The following ELMO1 variants were observed in gnomAD, a reference collection of about 807,000 sequenced individuals.
ELMO1 encodes the protein engulfment and cell motility protein 1.
Under a neutral mutation model 98.9 loss-of-function variants are expected in ELMO1, and 26 were observed. That is an observed-to-expected ratio of 0.26 (90% confidence interval 0.19 to 0.36). ELMO1 has a LOEUF of 0.36. Among genes scored for constraint, ELMO1 ranks in the 10% least tolerant of loss-of-function variants. The probability of loss-of-function intolerance (pLI) is 1.00; values close to 1 mark genes in which losing one functional copy is unlikely to be tolerated. For missense variants in ELMO1, 627 were observed against 935.2 expected, an observed-to-expected ratio of 0.67 and a Z score of 4.30; for synonymous variants, 346 against 346.0, an observed-to-expected ratio of 1.00 and a Z score of 0.00.
intron 13 of ELMO1, among the ~76,000 whole-genome samples, chr7:37,157,647 C>T (rs1237336592): frequency 6.6e-6 from 1 of 151,982 alleles, no homozygotes; most frequent in Non-Finnish European, 1.5e-5. Flanking sequence ...TACTGCTCAA[C>T]AAAATAAAAG....
chr7:37,214,071 T>C (rs1216507744), intron 11 of ELMO1, among the ~76,000 whole-genome samples: 1 of 152,170 alleles, frequency 6.6e-6, no homozygotes, highest in Non-Finnish European at 1.5e-5. Flanking sequence ...CTTTTCCCCA[T>C]AGAAACAGAA....
At chr7:37,340,084 T>C (rs1800635385) in intron 2 of ELMO1, among the ~76,000 whole-genome samples, 1 of 152,192 alleles carries the variant, frequency 6.6e-6, no homozygotes. Flanking sequence ...ACATAGTACA[T>C]GATCCTGGAC....
At chr7:37,332,231 T>C (rs1177045910) in intron 2 of ELMO1, among the ~76,000 whole-genome samples, 3 of 152,270 alleles carry the variant, frequency 2.0e-5, no homozygotes, top group African/African-American at 7.2e-5. Flanking sequence ...ATAATGTATT[T>C]AGAATACATG....
intron 16 of ELMO1, among the ~76,000 whole-genome samples, chr7:36,974,981 A>G (rs1323496938): frequency 6.6e-6 from 1 of 152,082 alleles, no homozygotes; most frequent in Admixed American, 6.5e-5. Context: ...AACTCTGAAC[A>G]CATCTGAACA....
At chr7:37,434,272 A>T (rs942479457) in intron 1 of ELMO1, among the ~76,000 whole-genome samples, 2 of 152,146 alleles carry the variant, frequency 1.3e-5, no homozygotes, top group Non-Finnish European at 2.9e-5. Context: ...GAAAGAAAAG[A>T]AAAGTGAAGT....
intron 17 of ELMO1, among the ~76,000 whole-genome samples, chr7:36,892,416 G>A (rs1805635764): frequency 6.6e-6 from 1 of 151,824 alleles, no homozygotes. Flanking sequence ...ACTAAGCAAT[G>A]AGCCCAGTCT....
chr7:37,108,517 G>A (rs1056054639), intron 14 of ELMO1, among the ~76,000 whole-genome samples: 10 of 152,170 alleles, frequency 6.6e-5, no homozygotes, highest in Non-Finnish European at 7.3e-5. Context: ...TGGCCACATC[G>A]TCCCTGGGGG....
chr7:37,103,642 C>T (rs535123684), intron 14 of ELMO1, among the ~76,000 whole-genome samples: 3 of 151,524 alleles, frequency 2.0e-5, no homozygotes, highest in Non-Finnish European at 2.9e-5. Context: ...CTAACCTGCA[C>T]GTTGTGCACA....
intron 2 of ELMO1, among the ~76,000 whole-genome samples, chr7:37,337,514 C>CT (rs1800481212): frequency 7.7e-6 from 1 of 130,504 alleles, no homozygotes; most frequent in African/African-American, 3.1e-5. Context: ...TACCCTAAAA[C>CT]TTAAAGTATA....
At chr7:37,292,604 C>T (rs1439941284) in intron 4 of ELMO1, among the ~76,000 whole-genome samples, 15 of 117,056 alleles carry the variant, frequency 1.3e-4, no homozygotes, top group Middle Eastern at 4.5e-3. Context: ...CCTGCTGCCC[C>T]GTCCGGGATG....
chr7:37,096,159 T>A (rs965339294), intron 15 of ELMO1, among the ~76,000 whole-genome samples: 5 of 152,232 alleles, frequency 3.3e-5, no homozygotes, highest in Non-Finnish European at 7.3e-5. Flanking sequence ...AATTTCTTCT[T>A]TCTTAGAGAA....
intron 15 of ELMO1, among the ~76,000 whole-genome samples, chr7:37,086,300 T>G (rs1163772561): frequency 6.6e-6 from 1 of 151,426 alleles, no homozygotes; most frequent in Non-Finnish European, 1.5e-5. Context: ...TTTTTTTGGC[T>G]AAAAGAAACA....
Position 37,226,802 on chromosome 7 carries a change from TACTCATCATTAAGTGATCCATTTCAGTA to T in ELMO1, c.550-1800_550-1773del, listed in dbSNP as rs577071681. Among the ~76,000 whole-genome samples, 3 of 152,312 alleles carry T rather than the reference TACTCATCATTAAGTGATCCATTTCAGTA, an allele frequency of 2.0e-5. No individual in the cohort carries two copies. The East Asian group carries it at 5.8e-4, about 29-fold the overall frequency. ...CCACTCTTTTCATTCAGCCAATATTTACTCATCATTAAGTGATCCATTTCAGTAACATGCATTGCGTGTGTACTATGTA... is the reference window on the plus strand; with the variant it reads ...CCACTCTTTTCATTCAGCCAATATTTACATGCATTGCGTGTGTACTATGTA... On this transcript the variant is annotated intron_variant, in intron 8 of 21. Transcript: ENST00000310758.
At chr7:37,310,067 G>C (rs1001891282) in intron 4 of ELMO1, among the ~76,000 whole-genome samples, 3 of 152,220 alleles carry the variant, frequency 2.0e-5, no homozygotes, top group Non-Finnish European at 4.4e-5. Context: ...AGGGCACTTA[G>C]GAAGTGGGAA....
chr7:37,364,823 G>T (rs962637837), intron 1 of ELMO1, among the ~76,000 whole-genome samples: 2 of 152,154 alleles, frequency 1.3e-5, no homozygotes, highest in African/African-American at 4.8e-5. Flanking sequence ...GAATCCTATT[G>T]AAGGTGGGTC....
chr7:36,917,506 A>C (rs974473008), intron 16 of ELMO1, among the ~76,000 whole-genome samples: 3 of 152,248 alleles, frequency 2.0e-5, no homozygotes, highest in Non-Finnish European at 1.5e-5. Flanking sequence ...AGAAGGAAAA[A>C]TCCAAATGGG....
chr7:37,402,075 C>T (rs181973736), intron 1 of ELMO1, among the ~76,000 whole-genome samples: 5 of 152,342 alleles, frequency 3.3e-5, no homozygotes, highest in South Asian at 2.1e-4. Context: ...TCCTGTGGCA[C>T]GTAAAACTTA....
chr7:37,135,667 G>C (rs1261836477), intron 13 of ELMO1, among the ~76,000 whole-genome samples: 5 of 152,200 alleles, frequency 3.3e-5, no homozygotes, highest in Non-Finnish European at 7.4e-5. Context: ...CACATTCCTA[G>C]GAGAAGGGGG....
chr7:37,285,451 A>T (rs975297256), intron 4 of ELMO1, among the ~76,000 whole-genome samples: 6 of 152,226 alleles, frequency 3.9e-5, no homozygotes, highest in Non-Finnish European at 7.3e-5. Context: ...ACTGAAGCAA[A>T]TTATGGTAAG....
Sources: gnomAD v4.1 joint callset for allele counts (sites outside exome capture counted in the v4.1 genomes callset) on GRCh38, gnomAD v4.1.1 for gene constraint, MANE v1.5 for transcripts, NCBI Gene and HGNC (gene_info 2026-07-23, HGNC 2026-07-21) for gene names.